The following MEIKIN variants were observed in gnomAD, a reference collection of about 807,000 sequenced individuals.
The protein encoded by MEIKIN is meiotic kinetochore factor.
chr5:131,938,617 C>G (rs1751820707), intron 4 of MEIKIN, among the ~76,000 whole-genome samples: 1 of 152,180 alleles, frequency 6.6e-6, no homozygotes. Flanking sequence ...TCCAATTCTA[C>G]AGAATGTTTT....
intron 8 of MEIKIN, among the ~76,000 whole-genome samples, chr5:131,880,731 A>G (rs1750690474): frequency 6.6e-6 from 1 of 152,186 alleles, no homozygotes; most frequent in Non-Finnish European, 1.5e-5. Flanking sequence ...CAAGCTCCTT[A>G]ATGTACCATT....
chr5:131,929,909 C>T (rs184542309), intron 5 of MEIKIN, among the ~76,000 whole-genome samples: 18 of 152,332 alleles, frequency 1.2e-4, no homozygotes, highest in African/African-American at 4.3e-4. Flanking sequence ...ACGTGTACTA[C>T]ACTTTCTTTA....
intron 9 of MEIKIN, among the ~76,000 whole-genome samples, chr5:131,857,857 C>T (rs1216399267): frequency 6.6e-6 from 1 of 152,154 alleles, no homozygotes; most frequent in Non-Finnish European, 1.5e-5. Flanking sequence ...GTGAGCACAC[C>T]CTGCCACCGC....
chr5:131,835,659 T>C (rs1455111619), intron 11 of MEIKIN, among the ~76,000 whole-genome samples: 1 of 152,188 alleles, frequency 6.6e-6, no homozygotes, highest in East Asian at 1.9e-4. Flanking sequence ...AGTGGTGCAA[T>C]CTTGGCTCAC....
intron 9 of MEIKIN, among the ~76,000 whole-genome samples, chr5:131,869,598 G>A (rs570756802): frequency 1.2e-3 from 178 of 152,234 alleles, no homozygotes; most frequent in African/African-American, 4.2e-3. Flanking sequence ...AAAAAAACCC[G>A]AATATTCTCG....
chr5:131,940,877 T>G (rs2149655554), intron 4 of MEIKIN, among the ~76,000 whole-genome samples: 1 of 152,270 alleles, frequency 6.6e-6, no homozygotes, highest in East Asian at 1.9e-4. Context: ...ATCTTTTACT[T>G]TTTTCTTCCT....
rs190175367 is a variant in MEIKIN at position 131,917,148 on chromosome 5, T to C, written c.599-223A>G. Among the ~76,000 whole-genome samples, 23 of 152,328 alleles carry C rather than the reference T, an allele frequency of 1.5e-4. No individual in the cohort carries two copies. In the East Asian group the frequency reaches 4.0e-3, roughly 27 times the overall value. ...GAATCTCTCCCTTGTATTTGAATAG[T>C]TCTTTATAATTTTTGAAGTCTTTTC... On this transcript the variant is annotated intron_variant, in intron 6 of 12. Transcript: ENST00000442687.
intron 12 of MEIKIN, among the ~76,000 whole-genome samples, chr5:131,812,376 T>A (rs569504187): frequency 8.5e-4 from 130 of 152,314 alleles, no homozygotes; most frequent in Non-Finnish European, 1.4e-3. Context: ...AATATTCTAG[T>A]AGATATTTTT....
chr5:131,900,496 T>C (rs1456134993), intron 8 of MEIKIN, among the ~76,000 whole-genome samples: 1 of 151,858 alleles, frequency 6.6e-6, no homozygotes, highest in East Asian at 1.9e-4. Flanking sequence ...CAGACACTTG[T>C]TCTGTAGGGG....
intron 8 of MEIKIN, among the ~76,000 whole-genome samples, chr5:131,900,209 C>CT (rs1202539195): frequency 2.6e-4 from 39 of 152,316 alleles, no homozygotes; most frequent in African/African-American, 7.5e-4. Flanking sequence ...GCTGACTAGA[C>CT]ACAGCCAGGA....
chr5:131,843,071 T>C (rs538611689), intron 11 of MEIKIN, among the ~76,000 whole-genome samples: 1 of 152,358 alleles, frequency 6.6e-6, no homozygotes, highest in Middle Eastern at 3.4e-3. Flanking sequence ...TCTTAAGCAA[T>C]AACTTGAACT....
intron 7 of MEIKIN, among the ~76,000 whole-genome samples, 156 bp downstream of exon 7, chr5:131,916,730 A>G (rs1751420808): frequency 6.6e-6 from 1 of 152,346 alleles, no homozygotes; most frequent in Admixed American, 6.5e-5. Flanking sequence ...GTTCACTACT[A>G]TATCTCTAGC....
intron 8 of MEIKIN, among the ~76,000 whole-genome samples, chr5:131,891,588 C>T (rs909219250): frequency 1.3e-5 from 2 of 152,104 alleles, no homozygotes; most frequent in Admixed American, 6.6e-5. Flanking sequence ...TCCTCCATCC[C>T]TTTATTTTGA....
intron 4 of MEIKIN, among the ~76,000 whole-genome samples, chr5:131,938,965 C>T (rs2149654825): frequency 6.6e-6 from 1 of 152,334 alleles, no homozygotes; most frequent in East Asian, 1.9e-4. Context: ...GCACAAATTC[C>T]AGTCTTCTCC....
intron 8 of MEIKIN, among the ~76,000 whole-genome samples, chr5:131,884,444 C>T (rs1009144880): frequency 1.3e-5 from 2 of 152,006 alleles, no homozygotes; most frequent in Non-Finnish European, 2.9e-5. Flanking sequence ...GAAGGGAACC[C>T]ACTGCCTTGA....
At chr5:131,809,941 T>C (rs1055344016) in intron 12 of MEIKIN, among the ~76,000 whole-genome samples, 5 of 152,316 alleles carry the variant, frequency 3.3e-5, no homozygotes, top group African/African-American at 4.8e-5. Flanking sequence ...GTGATTATTA[T>C]ATGTCACACT....
intron 4 of MEIKIN, among the ~76,000 whole-genome samples, chr5:131,937,292 T>C (rs1449630003): frequency 1.3e-5 from 2 of 152,156 alleles, no homozygotes; most frequent in Admixed American, 6.5e-5. Flanking sequence ...TCTAGGTTAG[T>C]ATATTTAAGA....
chr5:131,912,639 T>A (rs1156893219), intron 7 of MEIKIN, among the ~76,000 whole-genome samples: 6 of 152,206 alleles, frequency 3.9e-5, no homozygotes, highest in African/African-American at 1.4e-4. Context: ...GAAACAATTT[T>A]ATTCTTTCAT....
At chr5:131,841,746 T>C (rs922837709) in intron 11 of MEIKIN, among the ~76,000 whole-genome samples, 2 of 152,232 alleles carry the variant, frequency 1.3e-5, no homozygotes, top group African/African-American at 2.4e-5. Context: ...CATTTATTTG[T>C]GCCTTCAATT....
Sources: allele counts gnomAD v4.1 joint callset (sites outside exome capture counted in the v4.1 genomes callset), GRCh38; gene constraint gnomAD v4.1.1; transcripts MANE v1.5; gene names NCBI Gene and HGNC (gene_info 2026-07-23, HGNC 2026-07-21).